Variants in PJA2 observed in about 807,000 individuals in gnomAD.
PJA2 encodes the protein E3 ubiquitin-protein ligase Praja-2.
A neutral mutation model predicts 69.3 loss-of-function variants in PJA2; 25 were observed. The observed-to-expected ratio is 0.36, with a 90% CI of 0.26 to 0.50. The LOEUF is 0.50. Among genes scored for constraint, PJA2 ranks in the 20% least tolerant of loss-of-function variants. The pLI is 0.96. For missense variants in PJA2, 809 were observed against 830.2 expected, an observed-to-expected ratio of 0.97 and a Z score of 0.31; for synonymous variants, 308 against 277.8, an observed-to-expected ratio of 1.11 and a Z score of -1.08.
rs1274183509 is a variant in PJA2, at chr5:109,378,693, A to G, written c.794T>C (p.Val265Ala). 1 of 1,613,804 alleles carries G rather than the reference A, an allele frequency of 6.2e-7. No individual in the cohort carries two copies. The highest frequency in any genetic ancestry group is 8.5e-7 in the Non-Finnish European group (1 of 1,179,986). ...AGTATTATTTTGTTGTTTCGTACTA[A>G]CCATTTCATCTTGAGAAGACCTCTG... ...EIQRSSQDEM[V>A]STKQQNNTSQ... Residue 265 changes from valine to alanine, a missense_variant, in exon 4 of 10, where the codon GTT (valine) becomes GCT (alanine). Val to Ala is a moderately conservative substitution (Grantham distance 64). Coordinates refer to ENST00000361189, the MANE Select transcript of PJA2 (RefSeq NM_014819.5).
chr5:109,343,111 T>C (rs1762106628), intron 9 of PJA2, among the ~76,000 whole-genome samples: 1 of 109,192 alleles, frequency 9.2e-6, no homozygotes, highest in Non-Finnish European at 1.9e-5. Flanking sequence ...GGTTGCCGTG[T>C]CTGTGTAGAA....
At chr5:109,342,545 C>A (rs1404130679) in intron 9 of PJA2, among the ~76,000 whole-genome samples, 1 of 115,770 alleles carries the variant, frequency 8.6e-6, no homozygotes, top group Non-Finnish European at 1.8e-5. Context: ...CTCCCCCACC[C>A]GGCCAGCCGC....
At chr5:109,400,049 G>A (rs1747504889) in intron 1 of PJA2, among the ~76,000 whole-genome samples, 1 of 152,126 alleles carries the variant, frequency 6.6e-6, no homozygotes. Context: ...CAGCAATTTG[G>A]GAGGCCAAGA....
At chr5:109,372,084 C>A (rs1421480047) in intron 4 of PJA2, among the ~76,000 whole-genome samples, 1 of 152,024 alleles carries the variant, frequency 6.6e-6, no homozygotes, top group African/African-American at 2.4e-5. Flanking sequence ...TAAGCAATAG[C>A]CATTAAGTCC....
intron 4 of PJA2, among the ~76,000 whole-genome samples, chr5:109,370,588 A>C (rs1762660798): frequency 6.6e-6 from 1 of 152,194 alleles, no homozygotes; most frequent in Non-Finnish European, 1.5e-5. Flanking sequence ...TCTAAGCCAA[A>C]GTTCCTTGTA....
At chr5:109,381,172 A>C (rs774513009) in intron 3 of PJA2, among the ~76,000 whole-genome samples, 4 of 152,052 alleles carry the variant, frequency 2.6e-5, no homozygotes, top group East Asian at 1.9e-4. Flanking sequence ...GGGAAAAAAT[A>C]TCTCTACTTG....
At chr5:109,406,164 C>T (rs998994205) in intron 1 of PJA2, among the ~76,000 whole-genome samples, 1 of 151,760 alleles carries the variant, frequency 6.6e-6, no homozygotes, top group East Asian at 1.9e-4. Flanking sequence ...CTAACTCAGC[C>T]GGAGTAGCTG....
chr5:109,358,969 T>C (rs1026131365), intron 6 of PJA2, among the ~76,000 whole-genome samples: 7 of 152,220 alleles, frequency 4.6e-5, no homozygotes, highest in African/African-American at 1.4e-4. Context: ...CTACTGACTA[T>C]AGCTGACCCT....
At chr5:109,359,507 C>A (rs1358858778) in intron 6 of PJA2, among the ~76,000 whole-genome samples, 1 of 152,190 alleles carries the variant, frequency 6.6e-6, no homozygotes, top group African/African-American at 2.4e-5. Flanking sequence ...CATGTGTTTT[C>A]TGATATGTAC....
chr5:109,405,731 C>G (rs1250758459), intron 1 of PJA2, among the ~76,000 whole-genome samples: 1 of 152,148 alleles, frequency 6.6e-6, no homozygotes, highest in Non-Finnish European at 1.5e-5. Flanking sequence ...TATACAAAAA[C>G]TAACCCAAAA....
chr5:109,399,727 A>G (rs1485001989), intron 1 of PJA2, among the ~76,000 whole-genome samples: 1 of 152,210 alleles, frequency 6.6e-6, no homozygotes, highest in East Asian at 1.9e-4. Flanking sequence ...AAGACAAAAA[A>G]GCTGAGGAGG....
chr5:109,408,722 A>G (rs1363193379), intron 1 of PJA2, among the ~76,000 whole-genome samples: 1 of 152,256 alleles, frequency 6.6e-6, no homozygotes, highest in Non-Finnish European at 1.5e-5. Flanking sequence ...GCATGTCTGC[A>G]ATGAATTTTT....
intron 2 of PJA2, among the ~76,000 whole-genome samples, chr5:109,382,480 T>A (rs1747072735): frequency 6.6e-6 from 1 of 152,194 alleles, no homozygotes; most frequent in Admixed American, 6.5e-5. Flanking sequence ...TAAGTCTGCT[T>A]AGTCAATTAT....
rs543574339 is a variant in PJA2, at chr5:109,387,613, A to C, written c.-87-4093T>G. ...TTACTAATACTAAAACAAATATATA[A>C]ACGTGTTGCTAAGAATTAAAGGACT... On this transcript the variant is annotated intron_variant, in intron 1 of 9. Transcript: ENST00000361189. Among the ~76,000 whole-genome samples the C allele has an allele frequency of 7.2e-5, 11 of 152,326 alleles. No homozygotes were observed. The East Asian group carries it at 2.1e-3, about 29-fold the overall frequency.
chr5:109,374,565 C>T (rs996959726), intron 4 of PJA2, among the ~76,000 whole-genome samples: 1 of 152,162 alleles, frequency 6.6e-6, no homozygotes, highest in East Asian at 1.9e-4. Flanking sequence ...TAACAGGGCA[C>T]CTGGAACAAA....
intron 1 of PJA2, among the ~76,000 whole-genome samples, chr5:109,404,873 C>T (rs1747646967): frequency 6.6e-6 from 1 of 152,202 alleles, no homozygotes; most frequent in East Asian, 1.9e-4. Flanking sequence ...AAGCTTTCTT[C>T]TTAAGATCAG....
intron 1 of PJA2, among the ~76,000 whole-genome samples, chr5:109,385,154 T>C (rs1747129380): frequency 6.6e-6 from 1 of 152,158 alleles, no homozygotes; most frequent in Non-Finnish European, 1.5e-5. Context: ...ACCATCAAAG[T>C]TCTGACCACA....
At chr5:109,345,578 T>G (rs1166201554) in intron 7 of PJA2, among the ~76,000 whole-genome samples, 1 of 152,088 alleles carries the variant, frequency 6.6e-6, no homozygotes, top group Non-Finnish European at 1.5e-5. Context: ...ATTTATATTT[T>G]GAAGGAGTGG....
chr5:109,376,439 T>C (rs1746889856), intron 4 of PJA2, among the ~76,000 whole-genome samples: 1 of 151,904 alleles, frequency 6.6e-6, no homozygotes, highest in Non-Finnish European at 1.5e-5. Context: ...AGAAAATCAA[T>C]TTAAAATCAA....
Sources: gnomAD v4.1 joint callset for allele counts (sites outside exome capture counted in the v4.1 genomes callset) on GRCh38, gnomAD v4.1.1 for gene constraint, MANE v1.5 for transcripts, NCBI Gene and HGNC (gene_info 2026-07-23, HGNC 2026-07-21) for gene names.